FSD1L: variants seen among roughly 807,000 people sequenced by gnomAD.
The protein encoded by FSD1L is fibronectin type III and SPRY domain containing 1 like.
FSD1L carries 45 observed loss-of-function variants against 71.6 expected under a neutral mutation model. The observed-to-expected ratio is 0.63, with a 90% CI of 0.49 to 0.81. The LOEUF (loss-of-function observed/expected upper bound fraction) is 0.81, where lower values mean the gene tolerates loss of function less well. Ranked by LOEUF, FSD1L falls within the 30% of genes least tolerant of loss-of-function variation. The pLI, the probability that FSD1L is intolerant of heterozygous loss-of-function variation, is 0.00. For missense variants in FSD1L, 561 were observed against 618.1 expected, an observed-to-expected ratio of 0.91 and a Z score of 0.98; for synonymous variants, 197 against 207.2, an observed-to-expected ratio of 0.95 and a Z score of 0.42.
At chr9:105,453,422 G>A (rs575863297) in intron 1 of FSD1L, among the ~76,000 whole-genome samples, 2 of 152,160 alleles carry the variant, frequency 1.3e-5, no homozygotes, top group South Asian at 4.2e-4. Flanking sequence ...CCTGACCTCA[G>A]ATGATCCTCC....
chr9:105,494,170 T>A (rs1297250657), intron 7 of FSD1L, among the ~76,000 whole-genome samples: 2 of 152,206 alleles, frequency 1.3e-5, no homozygotes, highest in Non-Finnish European at 2.9e-5. Context: ...TTTCACATAG[T>A]CCCATATTTC....
Position 105,465,547 on chromosome 9 carries a change from G to C in FSD1L, c.207+1216G>C, listed in dbSNP as rs146754290. 5.2e-3 allele frequency among the ~76,000 whole-genome samples: 797 copies of C among 152,198 alleles called. 8 individuals are homozygous for C. Among genetic ancestry groups the C allele is most frequent in the African/African-American group, 0.019 (772 of 41,528 alleles). On this transcript the variant is annotated intron_variant, in intron 3 of 13. Transcript: ENST00000481272. ...ACTGAATTCAGTAGCACATTAAAAA[G>C]ATCATTTACCATGATCCAGTAGGAT...
intron 7 of FSD1L, among the ~76,000 whole-genome samples, chr9:105,504,812 TC>T (rs1332385395): frequency 2.0e-5 from 3 of 152,204 alleles, no homozygotes; most frequent in Admixed American, 6.5e-5. Context: ...TTTTATTTTT[TC>T]CGAATATTTT....
chr9:105,520,755 C>T lies in FSD1L; in HGVS notation c.1025+7819C>T, dbSNP rs976515499. ...AGCACCACAGTCTGAACATGGACCTCGAACTTTAGATAATCTCATTAATCC... is the reference window on the plus strand; with the variant it reads ...AGCACCACAGTCTGAACATGGACCTTGAACTTTAGATAATCTCATTAATCC... On this transcript the variant is annotated intron_variant, in intron 10 of 13. Transcript: ENST00000481272. 13 of 1,612,774 alleles carry T rather than the reference C, an allele frequency of 8.1e-6. No homozygotes were observed. The Admixed American group carries it at 1.8e-4, about 23-fold the overall frequency.
At chr9:105,463,470 A>T (rs576832452) in intron 2 of FSD1L, among the ~76,000 whole-genome samples, 23 of 152,296 alleles carry the variant, frequency 1.5e-4, no homozygotes, top group African/African-American at 3.1e-4. Flanking sequence ...GTTACATTTG[A>T]CTATATAAAC....
chr9:105,457,061 A>G (rs980347070), intron 1 of FSD1L, among the ~76,000 whole-genome samples: 1 of 152,082 alleles, frequency 6.6e-6, no homozygotes, highest in Non-Finnish European at 1.5e-5. Flanking sequence ...GCCCTTCTTT[A>G]CCCATAAGGC....
intron 7 of FSD1L, 81 bp downstream of exon 7, chr9:105,484,583 G>A: frequency 1.1e-6 from 1 of 880,892 alleles, no homozygotes; most frequent in Non-Finnish European, 1.6e-6. Flanking sequence ...ACATTGGTTT[G>A]TAAATATTAA....
chr9:105,463,440 T>C (rs1271274533), intron 2 of FSD1L, among the ~76,000 whole-genome samples: 1 of 152,232 alleles, frequency 6.6e-6, no homozygotes, highest in Non-Finnish European at 1.5e-5. Flanking sequence ...AGACTTGTGC[T>C]GTCCAATATG....
At chr9:105,469,554 C>T (rs1027456590) in intron 4 of FSD1L, among the ~76,000 whole-genome samples, 2 of 151,908 alleles carry the variant, frequency 1.3e-5, no homozygotes, top group African/African-American at 4.8e-5. Context: ...GTTTGTTGGC[C>T]ATCAATGTAT....
intron 7 of FSD1L, among the ~76,000 whole-genome samples, 158 bp from the exon 8 acceptor site, chr9:105,506,241 A>G (rs2131356373): frequency 6.6e-6 from 1 of 152,300 alleles, no homozygotes; most frequent in South Asian, 2.1e-4. Flanking sequence ...GTTATTTTAC[A>G]TTTATGGGCT....
At chr9:105,520,753 C>T (rs1835094040) in intron 10 of FSD1L, 2 of 1,612,964 alleles carry the variant, frequency 1.2e-6, no homozygotes, top group East Asian at 2.2e-5. Flanking sequence ...GAACATGGAC[C>T]TCGAACTTTA....
At chr9:105,472,880 G>A in intron 5 of FSD1L, 1 of 152,322 alleles carries the variant, frequency 6.6e-6, no homozygotes, top group South Asian at 2.1e-4. Flanking sequence ...TTCTTTTGCT[G>A]TAAGCCAATG....
intron 13 of FSD1L, among the ~76,000 whole-genome samples, 194 bp from the exon 14 acceptor site, chr9:105,546,164 C>T (rs1218011917): frequency 1.3e-5 from 2 of 152,092 alleles, no homozygotes; most frequent in African/African-American, 2.4e-5. Flanking sequence ...ACCAAGACCT[C>T]CTCTGGCCTC....
intron 13 of FSD1L, among the ~76,000 whole-genome samples, chr9:105,546,010 G>A (rs1564159028): frequency 6.6e-6 from 1 of 152,050 alleles, no homozygotes; most frequent in South Asian, 2.1e-4. Context: ...GTAAGTTGGT[G>A]CTTTGTATGC....
At position 105,491,079 on chromosome 9, in the gene FSD1L, C is replaced by A. The variant is rs1244754420; in HGVS notation, c.586+6577C>A. On this transcript the variant is annotated intron_variant, in intron 7 of 13. Transcript: ENST00000481272. ...TAGCTTGATGGGGATGGCATTAAAC[C>A]TGTAAATTACCTTGGGCAGTATGGC... Among the ~76,000 whole-genome samples, 4 of 152,246 alleles carry A rather than the reference C, an allele frequency of 2.6e-5. No individual in the cohort carries two copies. The East Asian group carries it at 5.8e-4, about 22-fold the overall frequency.
intron 3 of FSD1L, among the ~76,000 whole-genome samples, chr9:105,465,537 A>G (rs947714297): frequency 1.3e-5 from 2 of 152,234 alleles, no homozygotes; most frequent in South Asian, 4.1e-4. Flanking sequence ...ATTCAGTAGC[A>G]CATTAAAAAG....
chr9:105,452,628 CGCCTGCCT>C (rs530990124), intron 1 of FSD1L, among the ~76,000 whole-genome samples: 208 of 124,454 alleles, frequency 1.7e-3, no homozygotes, highest in South Asian at 4.4e-3. Flanking sequence ...GGCGCTCGCT[CGCCTGCCT>C]GCCTGCCTGC....
upstream of FSD1L, among the ~76,000 whole-genome samples, chr9:105,443,763 CT>C (rs1330510889): frequency 1.3e-5 from 2 of 151,960 alleles, no homozygotes; most frequent in Admixed American, 6.5e-5. Context: ...AAGACCATGT[CT>C]CTGTTAAAAA....
chr9:105,541,433 A>G (rs986673610), intron 13 of FSD1L, among the ~76,000 whole-genome samples: 3 of 152,026 alleles, frequency 2.0e-5, no homozygotes, highest in Non-Finnish European at 4.4e-5. Flanking sequence ...GCTTTTATAA[A>G]TAGTAGATTT....
Sources: allele counts gnomAD v4.1 joint callset (sites outside exome capture counted in the v4.1 genomes callset), GRCh38; gene constraint gnomAD v4.1.1; transcripts MANE v1.5; gene names NCBI Gene and HGNC (gene_info 2026-07-23, HGNC 2026-07-21).